The following CELSR3 variants were observed in gnomAD, a reference collection of about 807,000 sequenced individuals.
CELSR3 encodes cadherin EGF LAG seven-pass G-type receptor 3, also known as EGF-like protein 1.
CELSR3 carries 73 observed loss-of-function variants against 270.0 expected under a neutral mutation model. That is an observed-to-expected ratio of 0.27 (90% CI 0.22 to 0.33). The LOEUF (loss-of-function observed/expected upper bound fraction) is 0.33, where lower values mean the gene tolerates loss of function less well. CELSR3 is among the 10% of genes least tolerant of loss of function. The pLI is 1.00. For missense variants in CELSR3, 3,614 were observed against 4,533.8 expected, an observed-to-expected ratio of 0.80 and a Z score of 5.83; for synonymous variants, 1,780 against 1,905.4, an observed-to-expected ratio of 0.93 and a Z score of 1.71.
At position 48,640,293 on chromosome 3, in the gene CELSR3, G is replaced by A. The variant is rs1301498839; in HGVS notation, c.9292C>T (p.Arg3098Trp). The A allele has an allele frequency of 4.3e-6, 7 of 1,612,812 alleles. No homozygotes were observed. Among genetic ancestry groups the A allele is most frequent in the Non-Finnish European group, 5.1e-6 (6 of 1,179,936 alleles). The change falls in exon 34 of 35, where the codon CGG becomes TGG. Residue 3098 changes from arginine (R) to tryptophan (W), a missense_variant. Arg to Trp is a moderately radical substitution (Grantham distance 101). Coordinates refer to ENST00000164024, the MANE Select transcript of CELSR3 (RefSeq NM_001407.3). The surrounding 1 kb of genome is among the most constrained non-coding windows in gnomAD (Gnocchi z 7.5). ...APAPVLRPLS[R>W]PGSQECMDAA... ...TCCATGCATTCCTGGGACCCTGGCC[G>A]GCTCAGGGGACGTAGAACAGGGGCA...
At position 48,644,264 on chromosome 3, in the gene CELSR3, C is replaced by G. The variant is rs775646965; in HGVS notation, c.8117G>C (p.Arg2706Pro). 6.2e-7 allele frequency: 1 copy of G among 1,613,086 alleles called. No individual in the cohort carries two copies. Among genetic ancestry groups the G allele is most frequent in the Non-Finnish European group, 8.5e-7 (1 of 1,179,904 alleles). The change falls in exon 27 of 35, where the codon CGC becomes CCC. Residue 2706 changes from arginine to proline, a missense_variant. Physicochemically the swap from Arg to Pro is moderately radical, Grantham distance 103 (BLOSUM62 -2). Around this residue, in one of 7 missense-constraint regions of CELSR3, gnomAD observed 1,240 missense variants for 1,351.7 expected, o/e 0.92. Coordinates refer to ENST00000164024, the MANE Select transcript of CELSR3 (RefSeq NM_001407.3). This position sits in a 1 kb window ranked among gnomAD's most constrained non-coding sequence, Gnocchi z 4.8. ...CCTCTGCCCTGTGGAGCAGGATGTG[C>G]GGGCAGCGAGGAGAAACATGGTCCC... ...MNGTMFLLAA[R>P]TSCSTGQREA... is the part of the protein sequence containing the mutation.
In CELSR3 at chr3:48,660,669, A is replaced by G; in HGVS notation, c.1966T>C (p.Phe656Leu). ...GCATTTTCCAAGACAGAAACTTGGA[A>G]GGGCGTGCTGACAAAAATAGGAATG... is the stretch of plus-strand genomic sequence containing the variant. ...DHIPIFVSTP[F>L]QVSVLENAPL... The change falls in exon 1 of 35, where the codon TTC becomes CTC. Residue 656 changes from phenylalanine (F) to leucine (L), a missense_variant. By Grantham distance (22) the Phe-to-Leu change is conservative (BLOSUM62 0). Around this residue, in one of 7 missense-constraint regions of CELSR3, gnomAD observed 354 missense variants for 500.9 expected, o/e 0.71. Transcript: ENST00000164024. This position sits in a 1 kb window ranked among gnomAD's most constrained non-coding sequence, Gnocchi z 5.5. The G allele has an allele frequency of 6.2e-7, 1 of 1,614,142 alleles. No homozygotes were observed. The highest frequency in any genetic ancestry group is 8.5e-7 in the Non-Finnish European group (1 of 1,180,040).
chr3:48,640,042 T>C lies in CELSR3; in HGVS notation c.9543A>G (p.Ser3181=). 1 of 1,610,036 alleles carries C rather than the reference T, an allele frequency of 6.2e-7. No individual in the cohort carries two copies. The highest frequency in any genetic ancestry group is 1.1e-5 in the South Asian group (1 of 91,026). ...GCCGGGATGGCAAGAGGGGGTCCCTTGAGAGTTGCCGCTGGGGAGACAGGG... is the reference window on the plus strand; with the variant it reads ...GCCGGGATGGCAAGAGGGGGTCCCTCGAGAGTTGCCGCTGGGGAGACAGGG... The part of the protein sequence containing the change: ...PLPLSPQRQL[S]RDPLLPSRPL... Residue 3181 remains serine, a synonymous_variant, in exon 34 of 35, where the codon TCA becomes TCG. Coordinates refer to ENST00000164024, the MANE Select transcript of CELSR3 (RefSeq NM_001407.3). The surrounding 1 kb of genome is among the most constrained non-coding windows in gnomAD (Gnocchi z 7.5).
Position 48,652,670 on chromosome 3 carries a change from C to T in CELSR3, c.5635-117G>A. 2 of 738,740 alleles carry T rather than the reference C, an allele frequency of 2.7e-6. No homozygotes were observed. Among genetic ancestry groups the T allele is most frequent in the East Asian group, 2.7e-5 (1 of 36,932 alleles). 45.8% of individuals were successfully genotyped at this position (738,740 alleles called of 1,614,324 possible). A position where few individuals can be genotyped will look rare whatever the true frequency, so the allele number is the denominator to read the frequency against. On this transcript the variant is annotated intron_variant, in intron 10 of 34. Coordinates refer to ENST00000164024, the MANE Select transcript of CELSR3 (RefSeq NM_001407.3). This position sits in a 1 kb window ranked among gnomAD's most constrained non-coding sequence, Gnocchi z 4.3. ...TCTAGGCTGCCCCCTCCCTCCTGGACCCACAGTAGACCTTAATATTGCTTG... is the reference window on the plus strand; with the variant it reads ...TCTAGGCTGCCCCCTCCCTCCTGGATCCACAGTAGACCTTAATATTGCTTG...
chr3:48,644,939 G>T lies in CELSR3; in HGVS notation c.7972+96C>A. The T allele has an allele frequency of 1.3e-6, 2 of 1,513,314 alleles. No homozygotes were observed. Among genetic ancestry groups the T allele is most frequent in the Non-Finnish European group, 1.8e-6 (2 of 1,104,406 alleles). The allele number at this position is 1,513,314 out of a possible 1,614,324, so 93.7% of individuals were successfully genotyped here. On this transcript the variant is annotated intron_variant, in intron 25 of 34. Transcript: ENST00000164024. The surrounding 1 kb of genome is among the most constrained non-coding windows in gnomAD (Gnocchi z 4.8). ...AGAGCAGCAACCCCATGAATAGATG[G>T]CTTGGGGTTTGAGGTTGGGGGTCAT...
rs749725569 is a variant in CELSR3 at position 48,661,264 on chromosome 3, G to A, written c.1371C>T (p.Ala457=). 5 of 1,610,582 alleles carry A rather than the reference G, an allele frequency of 3.1e-6. No homozygotes were observed. The East Asian group carries it at 1.1e-4, about 36-fold the overall frequency. ...CGTTGGGGGGCGCGTCGCCGTCAGTGGCACGCAGCTGCAGGATAGGGTAGC... is the reference window on the plus strand; with the variant it reads ...CGTTGGGGGGCGCGTCGCCGTCAGTAGCACGCAGCTGCAGGATAGGGTAGC... ...EEGYPILQLR[A]TDGDAPPNAN... is the part of the protein sequence containing the mutation. The change falls in exon 1 of 35, where the codon GCC becomes GCT. Residue 457 remains alanine (A), a synonymous_variant. Coordinates refer to ENST00000164024, the MANE Select transcript of CELSR3 (RefSeq NM_001407.3).
chr3:48,645,381 C>T lies in CELSR3; in HGVS notation c.7797+62G>A, dbSNP rs761865727. On this transcript the variant is annotated intron_variant, in intron 24 of 34. Coordinates refer to ENST00000164024, the MANE Select transcript of CELSR3 (RefSeq NM_001407.3). This position sits in a 1 kb window ranked among gnomAD's most constrained non-coding sequence, Gnocchi z 5.4. The stretch of plus-strand genomic sequence containing the variant: ...CCTGACCTCTGACCCTGAGTTTTGG[C>T]CCCAGGCCTCCTGGGCCAGTAGGGT... 40 of 1,599,916 alleles carry T rather than the reference C, an allele frequency of 2.5e-5. No individual in the cohort carries two copies. The highest frequency in any genetic ancestry group is 3.3e-5 in the Non-Finnish European group (38 of 1,169,024).
chr3:48,656,483 G>T (rs1016918069), intron 2 of CELSR3, 118 bp from the exon 3 acceptor site: 6 of 1,147,234 alleles, frequency 5.2e-6, no homozygotes, highest in African/African-American at 4.9e-5. Context: ...CGCCCTCTTC[G>T]GTGGACACGC....
rs759950475 is a variant in CELSR3 at position 48,660,801 on chromosome 3, C to T, written c.1834G>A (p.Ala612Thr). ...ATGCGCAAGGCATACTCTCTCTCTG[C>T]CTCGAAGTCCAGAGGTGCCACCACC... ...IQVVAPLDFE[A>T]EREYALRIRA... is the part of the protein sequence containing the mutation. Residue 612 changes from alanine (A) to threonine (T), a missense_variant, in exon 1 of 35, where the codon GCA becomes ACA. By Grantham distance (58) the Ala-to-Thr change is moderately conservative (BLOSUM62 0). This residue lies in a region of CELSR3 where 354 missense variants were observed against 500.9 expected (regional missense o/e 0.71). Coordinates refer to ENST00000164024, the MANE Select transcript of CELSR3 (RefSeq NM_001407.3). The surrounding 1 kb of genome is among the most constrained non-coding windows in gnomAD (Gnocchi z 5.5). The T allele has an allele frequency of 1.2e-6, 2 of 1,614,120 alleles. No homozygotes were observed. Among genetic ancestry groups the T allele is most frequent in the Non-Finnish European group, 1.7e-6 (2 of 1,180,026 alleles).
At position 48,659,479 on chromosome 3, in the gene CELSR3, A is replaced by G; in HGVS notation, c.3156T>C (p.Ser1052=). 1 of 1,614,244 alleles carries G rather than the reference A, an allele frequency of 6.2e-7. No individual in the cohort carries two copies. Among genetic ancestry groups the G allele is most frequent in the East Asian group, 2.2e-5 (1 of 44,892 alleles). The part of the protein sequence containing the change: ...RGVPPLRTPV[S]IQVMVQDVND... ...TCACATCCTGCACCATCACCTGGAT[A>G]CTGACTGGAGTCCGGAGTGGGGGCA... Residue 1052 remains serine (S), a synonymous_variant, in exon 1 of 35, where the codon AGT becomes AGC. Coordinates refer to ENST00000164024, the MANE Select transcript of CELSR3 (RefSeq NM_001407.3). This position sits in a 1 kb window ranked among gnomAD's most constrained non-coding sequence, Gnocchi z 8.1.
chr3:48,645,770 C>G lies in CELSR3; in HGVS notation c.7562G>C (p.Gly2521Ala). ...ACGGGGAGAGGCATCCATGAGGACC[C>G]CAAAGGTCCCTGTCCGGCTGCAGCG... The part of the protein sequence containing the change: ...RCRCSRTGTF[G>A]VLMDASPRER... Residue 2521 changes from glycine to alanine, a missense_variant, in exon 23 of 35, where the codon GGG (glycine) becomes GCG (alanine). Physicochemically the swap from Gly to Ala is moderately conservative, Grantham distance 60. Coordinates refer to ENST00000164024, the MANE Select transcript of CELSR3 (RefSeq NM_001407.3). This position sits in a 1 kb window ranked among gnomAD's most constrained non-coding sequence, Gnocchi z 5.4. 2.5e-6 allele frequency: 4 copies of G among 1,611,800 alleles called. No individual in the cohort carries two copies. Among genetic ancestry groups the G allele is most frequent in the Non-Finnish European group, 3.4e-6 (4 of 1,179,184 alleles).
In CELSR3 at chr3:48,660,054, C is replaced by A. The variant is rs1410435603; in HGVS notation, c.2581G>T (p.Ala861Ser). 6.2e-7 allele frequency: 1 copy of A among 1,614,192 alleles called. No individual in the cohort carries two copies. The highest frequency in any genetic ancestry group is 8.5e-7 in the Non-Finnish European group (1 of 1,180,046). The change falls in exon 1 of 35, where the codon GCC (alanine) becomes TCC (serine). Residue 861 changes from alanine to serine, a missense_variant. Around this residue, in one of 7 missense-constraint regions of CELSR3, gnomAD observed 215 missense variants for 241.2 expected, o/e 0.89. Coordinates refer to ENST00000164024, the MANE Select transcript of CELSR3 (RefSeq NM_001407.3). This position sits in a 1 kb window ranked among gnomAD's most constrained non-coding sequence, Gnocchi z 5.5. ...ANTHRPVFQS[A>S]HYSVSVNEDR... ...TCATTCACACTCACTGAGTAGTGGGCACTTTGAAAGACCGGCCGATGAGTG... is the reference window on the plus strand; with the variant it reads ...TCATTCACACTCACTGAGTAGTGGGAACTTTGAAAGACCGGCCGATGAGTG...
rs899109641 is a variant in CELSR3, at chr3:48,654,175, G to C, written c.5152+114C>G. On this transcript the variant is annotated intron_variant, in intron 7 of 34. Coordinates refer to ENST00000164024, the MANE Select transcript of CELSR3 (RefSeq NM_001407.3). The surrounding 1 kb of genome is among the most constrained non-coding windows in gnomAD (Gnocchi z 5.4). ...GTCAGGCCCTAAAATCTGGGCTGTA[G>C]CATGGTGCTTGCCACCAAAGGAGAC... 1.1e-4 allele frequency: 160 copies of C among 1,516,796 alleles called. No homozygotes were observed. The highest frequency in any genetic ancestry group is 1.4e-4 in the Non-Finnish European group (152 of 1,117,446). 94.0% of individuals were successfully genotyped at this position (1,516,796 alleles called of 1,614,324 possible).
At position 48,650,340 on chromosome 3, in the gene CELSR3, G is replaced by A; in HGVS notation, c.6472+140C>T. The A allele has an allele frequency of 2.7e-6, 2 of 735,052 alleles. No homozygotes were observed. Among genetic ancestry groups the A allele is most frequent in the East Asian group, 5.4e-5 (2 of 37,120 alleles). The allele number at this position is 735,052 out of a possible 1,614,324, so 45.5% of individuals were successfully genotyped here. A position where few individuals can be genotyped will look rare whatever the true frequency, so the allele number is the denominator to read the frequency against. Reference sequence around the variant, plus strand: ...TGGAGGCTCAATGAGGGTGTAGGGAGGGGCCCACATGGACTCCCACCCCAC... The same window carrying A: ...TGGAGGCTCAATGAGGGTGTAGGGAAGGGCCCACATGGACTCCCACCCCAC... On this transcript the variant is annotated intron_variant, in intron 16 of 34. Transcript: ENST00000164024. This position sits in a 1 kb window ranked among gnomAD's most constrained non-coding sequence, Gnocchi z 5.1.
In CELSR3 at chr3:48,662,485, C is replaced by G; in HGVS notation, c.150G>C (p.Thr50=). The part of the protein sequence containing the change: ...QGWDPGLAAT[T]GPRAHIGGGA... The stretch of plus-strand genomic sequence containing the variant: ...CGCCACCGATATGCGCCCTTGGCCC[C>G]GTAGTGGCAGCTAAGCCTGGGTCCC... Residue 50 remains threonine, a synonymous_variant, in exon 1 of 35, where the codon ACG becomes ACC. Coordinates refer to ENST00000164024, the MANE Select transcript of CELSR3 (RefSeq NM_001407.3). This position sits in a 1 kb window ranked among gnomAD's most constrained non-coding sequence, Gnocchi z 7.1. The G allele has an allele frequency of 1.2e-6, 2 of 1,612,690 alleles. No individual in the cohort carries two copies. Among genetic ancestry groups the G allele is most frequent in the Non-Finnish European group, 1.7e-6 (2 of 1,179,826 alleles).
chr3:48,644,626 C>A lies in CELSR3; in HGVS notation c.8085+90G>T. On this transcript the variant is annotated intron_variant, in intron 26 of 34. Transcript: ENST00000164024. The surrounding 1 kb of genome is among the most constrained non-coding windows in gnomAD (Gnocchi z 4.8). Reference sequence around the variant, plus strand: ...CCGAGCCCAGGAAGCCTGCAGAATGCCACCTGACCGCCCTCAGCTGAGTCC... The same window carrying A: ...CCGAGCCCAGGAAGCCTGCAGAATGACACCTGACCGCCCTCAGCTGAGTCC... The A allele has an allele frequency of 9.6e-7, 1 of 1,037,060 alleles. No individual in the cohort carries two copies. Among genetic ancestry groups the A allele is most frequent in the South Asian group, 1.4e-5 (1 of 70,998 alleles). 64.2% of individuals were successfully genotyped at this position (1,037,060 alleles called of 1,614,324 possible).
Position 48,648,043 on chromosome 3 carries a change from C to G in CELSR3, c.6974-47G>C, listed in dbSNP as rs919057875. ...GAGGCCCATCATGGACCTCTTCCCC[C>G]TGCCAAGGGTTCTACTCCCTCTTAC... is the stretch of plus-strand genomic sequence containing the variant. On this transcript the variant is annotated intron_variant, in intron 19 of 34. Coordinates refer to ENST00000164024, the MANE Select transcript of CELSR3 (RefSeq NM_001407.3). 10 of 1,603,450 alleles carry G rather than the reference C, an allele frequency of 6.2e-6. No individual in the cohort carries two copies. In the African/African-American group the frequency reaches 1.3e-4, roughly 21 times the overall value.
Position 48,651,880 on chromosome 3 carries a change from G to A in CELSR3, c.5920C>T (p.Pro1974Ser), listed in dbSNP as rs754618433. 4 of 1,610,048 alleles carry A rather than the reference G, an allele frequency of 2.5e-6. No individual in the cohort carries two copies. The highest frequency in any genetic ancestry group is 1.1e-5 in the South Asian group (1 of 90,586). Residue 1974 changes from proline (P) to serine (S), a missense_variant, in exon 12 of 35, where the codon CCA becomes TCA. Coordinates refer to ENST00000164024, the MANE Select transcript of CELSR3 (RefSeq NM_001407.3). This position sits in a 1 kb window ranked among gnomAD's most constrained non-coding sequence, Gnocchi z 7.4. ...LWQTFSCTCQ[P>S]GYYGPGCVDA... The stretch of plus-strand genomic sequence containing the variant: ...CCCCAACCCTCTCAAGGCTCACCTG[G>A]CTGGCAGGTGCAAGAAAAGGTCTGC...
intron 28 of CELSR3, 161 bp downstream of exon 28, chr3:48,643,393 G>A: frequency 2.0e-6 from 2 of 989,604 alleles, no homozygotes; most frequent in Non-Finnish European, 1.4e-6. Flanking sequence ...AGGCCTGGGG[G>A]CAGCAGCTAG....
Sources: gnomAD v4.1 joint callset for allele counts on GRCh38, gnomAD v4.1.1 for gene constraint, gnomAD v4.1.1 regional missense constraint, Gnocchi (gnomAD v3.1) non-coding constraint, MANE v1.5 for transcripts, NCBI Gene and HGNC (gene_info 2026-07-23, HGNC 2026-07-21) for gene names.